The following NCAPD3 variants were observed in gnomAD, a reference collection of about 807,000 sequenced individuals.
The protein encoded by NCAPD3 is condensin-2 complex subunit D3.
Under a neutral mutation model 182.9 loss-of-function variants are expected in NCAPD3, and 105 were observed. The observed-to-expected ratio is 0.57, with a 90% CI of 0.49 to 0.68. The LOEUF (loss-of-function observed/expected upper bound fraction) is 0.68, where lower values mean the gene tolerates loss of function less well. Among genes scored for constraint, NCAPD3 ranks in the 30% least tolerant of loss-of-function variants. NCAPD3 has a pLI of 0.00. For missense variants in NCAPD3, 1,944 were observed against 1,837.0 expected (o/e 1.06, Z -1.07); for synonymous variants, 815 against 679.9 (o/e 1.20, Z -3.09).
In NCAPD3 at chr11:134,163,037, C is replaced by T. The variant is rs150137447; in HGVS notation, c.3574-1146G>A. Among the ~76,000 whole-genome samples, 541 of 152,004 alleles carry T rather than the reference C, an allele frequency of 3.6e-3. 6 individuals are homozygous for T. Among genetic ancestry groups the T allele is most frequent in the African/African-American group, 0.012 (513 of 41,440 alleles). On this transcript the variant is annotated intron_variant, in intron 27 of 34. Coordinates refer to ENST00000534548, the MANE Select transcript of NCAPD3 (RefSeq NM_015261.3). ...AAGAGCACACGAGTAGGGGGCAGCT[C>T]GCAACTGAGGTGCAGATGGCAATTT...
intron 20 of NCAPD3, 109 bp downstream of exon 20, chr11:134,180,968 C>T: frequency 1.4e-6 from 1 of 729,746 alleles, no homozygotes; most frequent in Non-Finnish European, 2.3e-6. Flanking sequence ...TAGGCTAAGA[C>T]AGCTCTTTTG....
chr11:134,167,569 C>T (rs549101323), intron 27 of NCAPD3, among the ~76,000 whole-genome samples: 6 of 121,088 alleles, frequency 5.0e-5, no homozygotes, highest in African/African-American at 1.7e-4. Context: ...TGCACACTCA[C>T]TAGTGAGATG....
At chr11:134,163,001 G>A (rs982950111) in intron 27 of NCAPD3, among the ~76,000 whole-genome samples, 2 of 152,178 alleles carry the variant, frequency 1.3e-5, no homozygotes, top group Admixed American at 1.3e-4. Flanking sequence ...GCAGACTTTA[G>A]ACCCAGAGGC....
chr11:134,175,201 G>GA (rs1944131445), intron 24 of NCAPD3, among the ~76,000 whole-genome samples: 1 of 152,116 alleles, frequency 6.6e-6, no homozygotes, highest in African/African-American at 2.4e-5. Context: ...CAACAGCGGG[G>GA]AAAAATGAGG....
chr11:134,170,860 T>G (rs1368831381), intron 24 of NCAPD3, among the ~76,000 whole-genome samples: 4 of 152,246 alleles, frequency 2.6e-5, no homozygotes, highest in African/African-American at 4.8e-5. Flanking sequence ...ATGTGTGATA[T>G]CCACAACTCA....
intron 13 of NCAPD3, among the ~76,000 whole-genome samples, chr11:134,196,024 A>G (rs187119023): frequency 1.7e-3 from 253 of 152,310 alleles, no homozygotes; most frequent in Middle Eastern, 3.4e-3. Flanking sequence ...TAAAAGATGG[A>G]AAACAATAGA....
In NCAPD3 at chr11:134,216,942, C is replaced by T. The variant is rs1292082523; in HGVS notation, c.376G>A (p.Val126Ile). The change falls in exon 3 of 35, where the codon GTA (valine) becomes ATA (isoleucine). Residue 126 changes from valine to isoleucine, a missense_variant. Physicochemically the swap from Val to Ile is conservative, Grantham distance 29 (BLOSUM62 3). This residue lies in a region of NCAPD3 where 10 missense variants were observed against 28.4 expected (regional missense o/e 0.35). Transcript: ENST00000534548. ...AAGLYFLLLE[V>I]PGSVANQVFH... ...TCATATCAGGTCTACATACCTGGTA[C>T]TTCTAGTAGCAAAAAGTAAAGCCCA... The T allele has an allele frequency of 6.2e-7, 1 of 1,609,300 alleles. No individual in the cohort carries two copies. The highest frequency in any genetic ancestry group is 1.7e-5 in the Admixed American group (1 of 59,204).
At position 134,172,125 on chromosome 11, in the gene NCAPD3, CTGT is replaced by C. The variant is rs571555356; in HGVS notation, c.3102-3074_3102-3072del. 2.2e-4 allele frequency among the ~76,000 whole-genome samples: 33 copies of C among 152,264 alleles called. 1 individual carries two copies. The South Asian group carries it at 4.4e-3, about 20-fold the overall frequency. ...AAGTGCGGAGAGTGTGGGCTGGCTG[CTGT>C]TAAGACGCCTCCACCTCCACCTCCC... On this transcript the variant is annotated intron_variant, in intron 24 of 34. Transcript: ENST00000534548.
intron 22 of NCAPD3, 22 bp from the exon 23 acceptor site, chr11:134,177,479 T>C (rs1343519862): frequency 1.3e-6 from 2 of 1,587,692 alleles, no homozygotes; most frequent in East Asian, 2.2e-5. Flanking sequence ...GACAGGAAGA[T>C]GTCTCAACTG....
chr11:134,191,951 G>A (rs566339180), intron 16 of NCAPD3, among the ~76,000 whole-genome samples: 2 of 152,288 alleles, frequency 1.3e-5, no homozygotes, highest in South Asian at 2.1e-4. Flanking sequence ...CGTCTCATGC[G>A]GTCAGGTGTG....
intron 3 of NCAPD3, among the ~76,000 whole-genome samples, chr11:134,212,201 T>C (rs929352730): frequency 6.6e-6 from 1 of 152,220 alleles, no homozygotes; most frequent in African/African-American, 2.4e-5. Flanking sequence ...AAAAAGTTCT[T>C]CAGGCAGAAG....
chr11:134,179,433 CAT>C (rs1279762843), intron 20 of NCAPD3, among the ~76,000 whole-genome samples: 9 of 152,218 alleles, frequency 5.9e-5, no homozygotes, highest in African/African-American at 1.2e-4. Context: ...ATGTATGACA[CAT>C]ATGTTTAATG....
intron 8 of NCAPD3, among the ~76,000 whole-genome samples, chr11:134,205,336 G>A (rs989207394): frequency 6.6e-6 from 1 of 151,992 alleles, no homozygotes; most frequent in East Asian, 1.9e-4. Flanking sequence ...TCAGTGAAAT[G>A]CATTAGTAAC....
At position 134,178,626 on chromosome 11, in the gene NCAPD3, T is replaced by C; in HGVS notation, c.2782+8A>G. ...ATGTCAAGCCCCATTCTCCCATGTT[T>C]TTCTTACCTAAGGTAATGATGGCAT... On this transcript the variant is annotated splice_region_variant and intron_variant, in intron 22 of 34. Transcript: ENST00000534548. 6.6e-7 allele frequency: 1 copy of C among 1,526,244 alleles called. No individual in the cohort carries two copies. The highest frequency in any genetic ancestry group is 8.8e-7 in the Non-Finnish European group (1 of 1,133,816). 94.5% of individuals were successfully genotyped at this position (1,526,244 alleles called of 1,614,324 possible).
At chr11:134,176,546 A>G (rs1944171650) in intron 23 of NCAPD3, among the ~76,000 whole-genome samples, 160 bp from the exon 24 acceptor site, 1 of 152,280 alleles carries the variant, frequency 6.6e-6, no homozygotes, top group Non-Finnish European at 1.5e-5. Flanking sequence ...CGAGAAGTGT[A>G]TGTGCAGAAC....
chr11:134,171,414 T>C (rs1369627216), intron 24 of NCAPD3, among the ~76,000 whole-genome samples: 1 of 152,168 alleles, frequency 6.6e-6, no homozygotes, highest in African/African-American at 2.4e-5. Context: ...TCAGCTTTAG[T>C]AGGAAACATA....
rs758090045 is a variant in NCAPD3, at chr11:134,168,305, C to A, written c.3374-110G>T. ...CCATCTGAGGCTGTCAGGGGGTCTG[C>A]AAGGGTGTTTTGTCTGGGGCACAGC... On this transcript the variant is annotated intron_variant, in intron 26 of 34. Coordinates refer to ENST00000534548, the MANE Select transcript of NCAPD3 (RefSeq NM_015261.3). 7.6e-6 allele frequency: 11 copies of A among 1,445,634 alleles called. No homozygotes were observed. The South Asian group carries it at 1.3e-4, about 17-fold the overall frequency. 89.6% of individuals were successfully genotyped at this position (1,445,634 alleles called of 1,614,324 possible).
At chr11:134,182,965 G>A (rs2135983166) in intron 19 of NCAPD3, 7 of 354,086 alleles carry the variant, frequency 2.0e-5, no homozygotes, top group South Asian at 1.5e-4. Context: ...GGCGGTCTTT[G>A]CTAATGCAGT....
At chr11:134,207,301 T>C (rs1236179395) in intron 7 of NCAPD3, among the ~76,000 whole-genome samples, 1 of 152,078 alleles carries the variant, frequency 6.6e-6, no homozygotes, top group Non-Finnish European at 1.5e-5. Flanking sequence ...TTTTAAACCT[T>C]ACAACAATTC....
Sources: allele counts gnomAD v4.1 joint callset (sites outside exome capture counted in the v4.1 genomes callset), GRCh38; gene constraint gnomAD v4.1.1; regional missense constraint gnomAD v4.1.1; transcripts MANE v1.5; gene names NCBI Gene and HGNC (gene_info 2026-07-23, HGNC 2026-07-21).